The following ESF1 variants were observed in gnomAD, a reference collection of about 807,000 sequenced individuals.
ESF1 encodes ESF1 homolog.
In ESF1, 58 loss-of-function variants were observed where a neutral mutation model predicts 92.0. That is an observed-to-expected ratio of 0.63 (90% CI 0.51 to 0.78). ESF1 has a LOEUF of 0.78. ESF1 is among the 30% of genes least tolerant of loss of function. The pLI is 0.00. For synonymous variants in ESF1, 321 were observed against 313.7 expected (o/e 1.02, Z -0.24); for missense variants, 922 against 989.1 (o/e 0.93, Z 0.91).
intron 8 of ESF1, among the ~76,000 whole-genome samples, chr20:13,764,574 C>A (rs1165171933): frequency 1.3e-5 from 2 of 152,248 alleles, no homozygotes; most frequent in East Asian, 1.9e-4. Context: ...GGAAGCCTTA[C>A]AAATAATACA....
chr20:13,772,096 TAAAAAA>T (rs34368329), intron 5 of ESF1, among the ~76,000 whole-genome samples: 1 of 145,928 alleles, frequency 6.9e-6, no homozygotes, highest in East Asian at 2.0e-4. Flanking sequence ...ACCATGATGA[TAAAAAA>T]AAAAGTTTTA....
At position 13,757,455 on chromosome 20, in the gene ESF1, T is replaced by G. The variant is rs539754176; in HGVS notation, c.1828+2237A>C. 3.3e-5 allele frequency among the ~76,000 whole-genome samples: 5 copies of G among 152,306 alleles called. No individual in the cohort carries two copies. In the East Asian group the frequency reaches 7.7e-4, roughly 24 times the overall value. On this transcript the variant is annotated intron_variant, in intron 9 of 13. Coordinates refer to ENST00000617257, the MANE Select transcript of ESF1 (RefSeq NM_001276380.2). Reference sequence around the variant, plus strand: ...TTCTGTTGCCTAGGCTGGAGTGCAGTGGCATGATCACAGCTAACTGCAGCC... The same window carrying G: ...TTCTGTTGCCTAGGCTGGAGTGCAGGGGCATGATCACAGCTAACTGCAGCC...
chr20:13,781,678 G>A (rs550132099), intron 2 of ESF1, among the ~76,000 whole-genome samples: 1 of 152,300 alleles, frequency 6.6e-6, no homozygotes, highest in East Asian at 1.9e-4. Context: ...AGCTCTGTGT[G>A]TCCAGAGAGC....
At chr20:13,768,673 G>A (rs781239054) in intron 7 of ESF1, among the ~76,000 whole-genome samples, 12 of 151,642 alleles carry the variant, frequency 7.9e-5, no homozygotes, top group Non-Finnish European at 1.5e-4. Flanking sequence ...GAGGGGGGCG[G>A]ATCATCTGAG....
intron 6 of ESF1, 86 bp from the exon 7 acceptor site, chr20:13,770,107 T>C (rs532646405): frequency 6.0e-4 from 445 of 737,834 alleles, no homozygotes; most frequent in Admixed American, 1.8e-3. Flanking sequence ...TTGTAGTTTA[T>C]ACATACACAA....
intron 9 of ESF1, among the ~76,000 whole-genome samples, chr20:13,748,232 T>C (rs1978369048): frequency 6.6e-6 from 1 of 152,084 alleles, no homozygotes; most frequent in Non-Finnish European, 1.5e-5. Context: ...TTCTGTCTCC[T>C]AGTTTTGTGA....
rs6042360 is a variant in ESF1 at position 13,784,861 on chromosome 20, C to T, written c.-44+19G>A. On this transcript the variant is annotated intron_variant, in intron 1 of 13. Coordinates refer to ENST00000617257, the MANE Select transcript of ESF1 (RefSeq NM_001276380.2). The stretch of plus-strand genomic sequence containing the variant: ...GCCCTTCATCTCGAGCTCTTCAACT[C>T]CAGTCCATCCCCACTCACCGTCCGC... 0.15 allele frequency: 90,102 copies of T among 597,462 alleles called. 9,279 individuals carry two copies. The highest frequency in any genetic ancestry group is 0.39 in the East Asian group (13,950 of 35,774). The allele number at this position is 597,462 out of a possible 1,614,324, so 37.0% of individuals were successfully genotyped here.
chr20:13,738,935 C>T (rs1197349413), intron 9 of ESF1, among the ~76,000 whole-genome samples: 2 of 152,178 alleles, frequency 1.3e-5, no homozygotes, highest in African/African-American at 4.8e-5. Context: ...AGTAAAATAA[C>T]TAGCCTTGTG....
At position 13,771,424 on chromosome 20, in the gene ESF1, A is replaced by G. The variant is rs1979678293; in HGVS notation, c.1310T>C (p.Val437Ala). The G allele has an allele frequency of 1.2e-6, 2 of 1,613,140 alleles. No homozygotes were observed. The highest frequency in any genetic ancestry group is 1.7e-6 in the Non-Finnish European group (2 of 1,179,272). The change falls in exon 6 of 14, where the codon GTA becomes GCA. Residue 437 changes from valine to alanine, a missense_variant. Transcript: ENST00000617257. ...TGTTTCCGGAGAATCACAGTCTACT[A>G]CTGCATAATAGTACTTCAGTCGTTT... is the stretch of plus-strand genomic sequence containing the variant. ...QFKRLKYYYA[V>A]VDCDSPETAS...
chr20:13,775,685 G>C (rs764014598), intron 3 of ESF1, among the ~76,000 whole-genome samples, 188 bp downstream of exon 3: 2 of 152,026 alleles, frequency 1.3e-5, no homozygotes, highest in Non-Finnish European at 2.9e-5. Flanking sequence ...TATTTATGTA[G>C]AGCCTCTTCT....
rs1162083135 is a variant in ESF1, at chr20:13,728,463, A to G, written c.1953T>C (p.Ala651=). 3 of 1,602,972 alleles carry G rather than the reference A, an allele frequency of 1.9e-6. No individual in the cohort carries two copies. Among genetic ancestry groups the G allele is most frequent in the Non-Finnish European group, 1.7e-6 (2 of 1,174,896 alleles). The part of the protein sequence containing the change: ...EKKRLKRKQK[A]LAEEASEEEL... ...CCTCTTCACTGGCCTCTTCAGCAAG[A>G]GCCTTAAAAGTTGAATATAAAAATA... The change falls in exon 11 of 14, where the codon GCT becomes GCC. Residue 651 remains alanine (A), a splice_region_variant and synonymous_variant. Transcript: ENST00000617257.
Position 13,766,540 on chromosome 20 carries a change from A to C in ESF1, c.1666+237T>G, listed in dbSNP as rs188216277. On this transcript the variant is annotated intron_variant, in intron 8 of 13. Coordinates refer to ENST00000617257, the MANE Select transcript of ESF1 (RefSeq NM_001276380.2). ...TGGTTTACTAAGAAACTGAGTGACC[A>C]TATGCATTAGGACAAGTCTAGAAGG... Among the ~76,000 whole-genome samples the C allele has an allele frequency of 1.1e-4, 16 of 152,370 alleles. No individual in the cohort carries two copies. In the East Asian group the frequency reaches 3.1e-3, roughly 29 times the overall value.
At chr20:13,756,893 G>A (rs1600284009) in intron 9 of ESF1, among the ~76,000 whole-genome samples, 1 of 152,204 alleles carries the variant, frequency 6.6e-6, no homozygotes, top group South Asian at 2.1e-4. Flanking sequence ...AAATTAAAAG[G>A]CCCTAAAAAG....
At chr20:13,734,668 C>G (rs945144992) in intron 9 of ESF1, among the ~76,000 whole-genome samples, 5 of 152,092 alleles carry the variant, frequency 3.3e-5, no homozygotes, top group Non-Finnish European at 5.9e-5. Flanking sequence ...AATGTAAATA[C>G]TGTGCTGTCC....
intron 10 of ESF1, among the ~76,000 whole-genome samples, chr20:13,730,661 A>T (rs1426608443): frequency 6.6e-6 from 1 of 151,482 alleles, no homozygotes; most frequent in Non-Finnish European, 1.5e-5. Context: ...TGGGTTTACA[A>T]GCATGAGCCA....
Position 13,717,420 on chromosome 20 carries a change from T to G in ESF1, c.2210A>C (p.Lys737Thr). The change falls in exon 13 of 14, where the codon AAG (lysine) becomes ACG (threonine). Residue 737 changes from lysine to threonine, a missense_variant. Physicochemically the swap from Lys to Thr is moderately conservative, Grantham distance 78. Coordinates refer to ENST00000617257, the MANE Select transcript of ESF1 (RefSeq NM_001276380.2). ...CTTTTTCATGAGCTGCTTTTTCTTC[T>G]TTTTGCTCAGATTCTGGTGCTCCAC... ...KIVEHQNLSK[K>T]KKKQLMKKKE... is the part of the protein sequence containing the mutation. The G allele has an allele frequency of 2.5e-6, 4 of 1,614,168 alleles. No individual in the cohort carries two copies. Among genetic ancestry groups the G allele is most frequent in the Non-Finnish European group, 3.4e-6 (4 of 1,180,018 alleles).
intron 2 of ESF1, among the ~76,000 whole-genome samples, chr20:13,780,181 T>C (rs1980114542): frequency 6.6e-6 from 1 of 152,168 alleles, no homozygotes; most frequent in African/African-American, 2.4e-5. Flanking sequence ...GAGTTGCAGT[T>C]CCAGGTCTGC....
At chr20:13,776,380 C>G in intron 2 of ESF1, 110 bp from the exon 3 acceptor site, 5 of 1,022,384 alleles carry the variant, frequency 4.9e-6, no homozygotes, top group Non-Finnish European at 7.0e-6. Context: ...CTATGAAACA[C>G]AGTAAAGACA....
intron 9 of ESF1, among the ~76,000 whole-genome samples, chr20:13,750,427 C>T (rs1300674933): frequency 6.6e-6 from 1 of 152,098 alleles, no homozygotes; most frequent in Non-Finnish European, 1.5e-5. Context: ...ATTGCTTGAA[C>T]GCGGGAGGCA....
Sources: gnomAD v4.1 joint callset for allele counts (sites outside exome capture counted in the v4.1 genomes callset) on GRCh38, gnomAD v4.1.1 for gene constraint, MANE v1.5 for transcripts, NCBI Gene and HGNC (gene_info 2026-07-23, HGNC 2026-07-21) for gene names.